Variants in SIDT2 observed in about 807,000 individuals in gnomAD.
SIDT2 encodes the protein SID1 transmembrane family, member 2.
Under a neutral mutation model 114.4 loss-of-function variants are expected in SIDT2, and 68 were observed. That is an observed-to-expected ratio of 0.59 (90% CI 0.49 to 0.73). The LOEUF (loss-of-function observed/expected upper bound fraction) is 0.73. Among genes scored for constraint, SIDT2 ranks in the 30% least tolerant of loss-of-function variants. The probability of loss-of-function intolerance (pLI) is 0.00; values close to 1 mark genes in which losing one functional copy is unlikely to be tolerated. For missense variants in SIDT2, 918 were observed against 1,097.1 expected (o/e 0.84, Z 2.31); for synonymous variants, 470 against 438.4 (o/e 1.07, Z -0.90).
At position 117,186,653 on chromosome 11, in the gene SIDT2, T is replaced by G; in HGVS notation, c.1015+17T>G. On this transcript the variant is annotated intron_variant, in intron 10 of 25. Coordinates refer to ENST00000324225, the MANE Select transcript of SIDT2 (RefSeq NM_001040455.2). ...CAGAAAGCGGTACCTCCAGGGGGCC[T>G]GGGTGGGGCGGGCACAGTGTGCTTT... 1 of 1,451,944 alleles carries G rather than the reference T, an allele frequency of 6.9e-7. No homozygotes were observed. The allele number at this position is 1,451,944 out of a possible 1,614,324, so 89.9% of individuals were successfully genotyped here.
At position 117,192,398 on chromosome 11, in the gene SIDT2, G is replaced by A. The variant is rs768396491; in HGVS notation, c.1981+36G>A. The stretch of plus-strand genomic sequence containing the variant: ...GCCCGGGGCAGGGCCTGGGGGAGGG[G>A]TCTGGGGGGCCTTGGGAACCCGGAC... On this transcript the variant is annotated intron_variant, in intron 20 of 25. Coordinates refer to ENST00000324225, the MANE Select transcript of SIDT2 (RefSeq NM_001040455.2). This position sits in a 1 kb window ranked among gnomAD's most constrained non-coding sequence, Gnocchi z 5.9. 3.4e-6 allele frequency: 5 copies of A among 1,462,950 alleles called. No individual in the cohort carries two copies. Among genetic ancestry groups the A allele is most frequent in the Middle Eastern group, 1.7e-4 (1 of 5,786 alleles). The allele number at this position is 1,462,950 out of a possible 1,614,324, so 90.6% of individuals were successfully genotyped here. A position where few individuals can be genotyped will look rare whatever the true frequency, so the allele number is the denominator to read the frequency against.
Position 117,182,084 on chromosome 11 carries a change from T to C in SIDT2, c.495T>C (p.Asn165=), listed in dbSNP as rs779748108. Residue 165 remains asparagine, a synonymous_variant, in exon 4 of 26, where the codon AAT becomes AAC. Coordinates refer to ENST00000324225, the MANE Select transcript of SIDT2 (RefSeq NM_001040455.2). The part of the protein sequence containing the change: ...VLRTGEQFSF[N]TTAAQPQYFK... Reference sequence around the variant, plus strand: ...GGACTGGGGAGCAGTTCAGCTTCAATACCACAGCAGCACAGCCCCAGGTAA... The same window carrying C: ...GGACTGGGGAGCAGTTCAGCTTCAACACCACAGCAGCACAGCCCCAGGTAA... 6 of 1,614,030 alleles carry C rather than the reference T, an allele frequency of 3.7e-6. No homozygotes were observed. Among genetic ancestry groups the C allele is most frequent in the Non-Finnish European group, 4.2e-6 (5 of 1,179,994 alleles).
rs575805971 is a variant in SIDT2, at chr11:117,179,345, G to C, written c.82G>C (p.Val28Leu). ...SHLGVLGPKN[V>L]SQKDAEFERT... ...TCTGGGGGTTCTGGGGCCCAAGAAC[G>C]TCTCGCAGAAAGACGCCGAGTTTGA... Residue 28 changes from valine (V) to leucine (L), a missense_variant, in exon 1 of 26, where the codon GTC (valine) becomes CTC (leucine). Around this residue, in one of 4 missense-constraint regions of SIDT2, gnomAD observed 553 missense variants for 600.1 expected, o/e 0.92. Transcript: ENST00000324225. 3.1e-6 allele frequency: 5 copies of C among 1,614,190 alleles called. No individual in the cohort carries two copies. The South Asian group carries it at 4.4e-5, about 14-fold the overall frequency.
At chr11:117,179,517 C>G in intron 1 of SIDT2, 71 bp downstream of exon 1, 5 of 1,516,984 alleles carry the variant, frequency 3.3e-6, no homozygotes, top group South Asian at 2.4e-5. Flanking sequence ...TCTGCCGCCC[C>G]GCTACCCTTT....
At chr11:117,179,644 G>T in intron 1 of SIDT2, 198 bp downstream of exon 1, 1 of 573,932 alleles carries the variant, frequency 1.7e-6, no homozygotes. Context: ...CTCCAGCTGG[G>T]CAGTTTTTGA....
chr11:117,192,142 T>A lies in SIDT2; in HGVS notation c.1873-112T>A. On this transcript the variant is annotated intron_variant, in intron 19 of 25. Transcript: ENST00000324225. This position sits in a 1 kb window ranked among gnomAD's most constrained non-coding sequence, Gnocchi z 5.9. ...CTGCTCCTTCCCTGAGATGCCTTCC[T>A]GGGCCCCTCTCAGAGTCCCAGCCTG... 1 of 1,537,362 alleles carries A rather than the reference T, an allele frequency of 6.5e-7. No individual in the cohort carries two copies. Among genetic ancestry groups the A allele is most frequent in the South Asian group, 1.2e-5 (1 of 85,748 alleles).
Position 117,190,195 on chromosome 11 carries a change from G to T in SIDT2, c.1523G>T (p.Gly508Val). ...TTCAACAACATCCTCAGCAACCTGGGGTACATCCTGCTGGGGCTGCTTTTC... is the reference window on the plus strand; with the variant it reads ...TTCAACAACATCCTCAGCAACCTGGTGTACATCCTGCTGGGGCTGCTTTTC... ...SAFNNILSNLGYILLGLLFLL... is the reference protein window; with the variant it reads ...SAFNNILSNLVYILLGLLFLL... Residue 508 changes from glycine (G) to valine (V), a missense_variant, in exon 17 of 26, where the codon GGG becomes GTG. Coordinates refer to ENST00000324225, the MANE Select transcript of SIDT2 (RefSeq NM_001040455.2). This position sits in a 1 kb window ranked among gnomAD's most constrained non-coding sequence, Gnocchi z 4.1. 1 of 1,582,008 alleles carries T rather than the reference G, an allele frequency of 6.3e-7. No individual in the cohort carries two copies. The highest frequency in any genetic ancestry group is 1.3e-5 in the African/African-American group (1 of 74,134).
chr11:117,185,912 T>A, intron 8 of SIDT2: 5 of 418,826 alleles, frequency 1.2e-5, no homozygotes, highest in Admixed American at 3.9e-5. Flanking sequence ...GAGAAAGTTC[T>A]AGCCCAGGGA....
Position 117,191,973 on chromosome 11 carries a change from G to T in SIDT2, c.1831G>T (p.Ala611Ser), listed in dbSNP as rs1175247849. The T allele has an allele frequency of 6.2e-7, 1 of 1,614,130 alleles. No individual in the cohort carries two copies. The highest frequency in any genetic ancestry group is 2.2e-5 in the East Asian group (1 of 44,878). ...CAACGCCAGCGCCTACAGTGCCTAC[G>T]CCTGCCTGGCCATTGTCATCTTCTT... The part of the protein sequence containing the change: ...DINASAYSAY[A>S]CLAIVIFFSV... The change falls in exon 19 of 26, where the codon GCC (alanine) becomes TCC (serine). Residue 611 changes from alanine (A) to serine (S), a missense_variant. Around this residue, in one of 4 missense-constraint regions of SIDT2, gnomAD observed 275 missense variants for 397.6 expected, o/e 0.69. Transcript: ENST00000324225.
At position 117,188,235 on chromosome 11, in the gene SIDT2, G is replaced by A; in HGVS notation, c.1160-473G>A. On this transcript the variant is annotated intron_variant, in intron 12 of 25. Transcript: ENST00000324225. The surrounding 1 kb of genome is among the most constrained non-coding windows in gnomAD (Gnocchi z 4.0). Reference sequence around the variant, plus strand: ...TTGGGGAGGGCTCACAGGCATGGGGGTCACATTCTGGCCTCTGGATAAAGG... The same window carrying A: ...TTGGGGAGGGCTCACAGGCATGGGGATCACATTCTGGCCTCTGGATAAAGG... The A allele has an allele frequency of 2.9e-6, 1 of 346,432 alleles. No individual in the cohort carries two copies. Among genetic ancestry groups the A allele is most frequent in the South Asian group, 2.3e-5 (1 of 43,934 alleles). 21.5% of individuals were successfully genotyped at this position (346,432 alleles called of 1,614,324 possible).
chr11:117,193,785 C>A, intron 23 of SIDT2, 68 bp from the exon 24 acceptor site: 1 of 1,164,964 alleles, frequency 8.6e-7, no homozygotes, highest in Non-Finnish European at 1.3e-6. Flanking sequence ...CTGGGAAAGG[C>A]TGGGTGGGAC....
rs781435833 is a variant in SIDT2, at chr11:117,193,975, C to T, written c.2322+12C>T. 1 of 1,605,454 alleles carries T rather than the reference C, an allele frequency of 6.2e-7. No homozygotes were observed. Among genetic ancestry groups the T allele is most frequent in the Non-Finnish European group, 8.5e-7 (1 of 1,172,334 alleles). On this transcript the variant is annotated intron_variant, in intron 24 of 25. Transcript: ENST00000324225. ...TCAGCACCTGGCAGGTGAGCACTCA[C>T]CCTCAGGCTCCTTGTGAGCCAACAA...
At chr11:117,193,335 G>C (rs1047847928) in intron 23 of SIDT2, 77 bp downstream of exon 23, 2 of 1,273,654 alleles carry the variant, frequency 1.6e-6, no homozygotes, top group Middle Eastern at 3.9e-4. Flanking sequence ...CAGCATTGAG[G>C]GGCAGTGAGA....
intron 6 of SIDT2, 24 bp downstream of exon 6, chr11:117,182,830 G>A (rs1452880724): frequency 6.2e-7 from 1 of 1,607,660 alleles, no homozygotes; most frequent in African/African-American, 1.3e-5. Context: ...GTGGCCACGT[G>A]GGAGGTGTGG....
chr11:117,184,577 CA>C (rs1337384132), intron 8 of SIDT2, among the ~76,000 whole-genome samples: 1 of 152,228 alleles, frequency 6.6e-6, no homozygotes, highest in East Asian at 1.9e-4. Context: ...AAAATTTGTC[CA>C]GTTAATCTCA....
At position 117,190,239 on chromosome 11, in the gene SIDT2, C is replaced by G. The variant is rs757994155; in HGVS notation, c.1567C>G (p.Arg523Gly). The G allele has an allele frequency of 1.3e-6, 2 of 1,575,286 alleles. No homozygotes were observed. The highest frequency in any genetic ancestry group is 1.8e-5 in the Admixed American group (1 of 54,572). ...GCTTTTCCTGCTCATCATCCTGCAACGGGAGATCAACCACAACCGGGCCCT... is the reference window on the plus strand; with the variant it reads ...GCTTTTCCTGCTCATCATCCTGCAAGGGGAGATCAACCACAACCGGGCCCT... ...GLLFLLIILQREINHNRALLR... is the reference protein window; with the variant it reads ...GLLFLLIILQGEINHNRALLR... The change falls in exon 17 of 26, where the codon CGG (arginine) becomes GGG (glycine). Residue 523 changes from arginine to glycine, a missense_variant. By Grantham distance (125) the Arg-to-Gly change is moderately radical. Transcript: ENST00000324225. The surrounding 1 kb of genome is among the most constrained non-coding windows in gnomAD (Gnocchi z 4.1).
Position 117,192,918 on chromosome 11 carries a change from G to T in SIDT2, c.2105+52G>T. ...GGTTGGGTGGACAGCTGGGGACTCG[G>T]TCAGCCACTGGCTGCCTTGGGGGCT... On this transcript the variant is annotated intron_variant, in intron 22 of 25. Transcript: ENST00000324225. This position sits in a 1 kb window ranked among gnomAD's most constrained non-coding sequence, Gnocchi z 5.9. The T allele has an allele frequency of 6.2e-7, 1 of 1,609,444 alleles. No homozygotes were observed. The highest frequency in any genetic ancestry group is 8.5e-7 in the Non-Finnish European group (1 of 1,175,838).
In SIDT2 at chr11:117,193,877, C is replaced by T. The variant is rs376305054; in HGVS notation, c.2236C>T (p.Leu746Phe). The T allele has an allele frequency of 2.5e-6, 4 of 1,613,964 alleles. No homozygotes were observed. The African/African-American group carries it at 5.3e-5, about 22-fold the overall frequency. ...MKLRSGERIK[L>F]IPLLCIVCTS... is the part of the protein sequence containing the mutation. ...GCTCCGGAGTGGGGAGAGGATCAAG[C>T]TCATCCCCCTGCTCTGCATCGTTTG... The change falls in exon 24 of 26, where the codon CTC becomes TTC. Residue 746 changes from leucine (L) to phenylalanine (F), a missense_variant. Physicochemically the swap from Leu to Phe is conservative, Grantham distance 22. Around this residue, in one of 4 missense-constraint regions of SIDT2, gnomAD observed 275 missense variants for 397.6 expected, o/e 0.69. Transcript: ENST00000324225.
chr11:117,186,124 T>G lies in SIDT2; in HGVS notation c.869-6T>G. On this transcript the variant is annotated splice_polypyrimidine_tract_variant and splice_region_variant and intron_variant, in intron 8 of 25. Transcript: ENST00000324225. ...ACCTGTCCACCTTCCTGTTTCCTCC[T>G]TGAAGCTGAGGCATACGTCAGTGGG... 6.2e-7 allele frequency: 1 copy of G among 1,613,892 alleles called. No individual in the cohort carries two copies. The highest frequency in any genetic ancestry group is 8.5e-7 in the Non-Finnish European group (1 of 1,179,828).
Sources: allele counts gnomAD v4.1 joint callset (sites outside exome capture counted in the v4.1 genomes callset), GRCh38; gene constraint gnomAD v4.1.1; regional missense constraint gnomAD v4.1.1; non-coding constraint Gnocchi (gnomAD v3.1); transcripts MANE v1.5; gene names NCBI Gene and HGNC (gene_info 2026-07-23, HGNC 2026-07-21).